SCAMP4: variants seen among roughly 807,000 people sequenced by gnomAD.
SCAMP4 encodes secretory carrier-associated membrane protein 4.
In SCAMP4, 19 loss-of-function variants were observed where a neutral mutation model predicts 32.1. The observed-to-expected ratio is 0.59, with a 90% CI of 0.41 to 0.87. The LOEUF (loss-of-function observed/expected upper bound fraction) is 0.87. SCAMP4 is among the 40% of genes least tolerant of loss of function. SCAMP4 has a pLI of 0.00. For missense variants in SCAMP4, 302 were observed against 309.0 expected (o/e 0.98, Z 0.17); for synonymous variants, 152 against 132.7 (o/e 1.15, Z -1.00).
intron 1 of SCAMP4, among the ~76,000 whole-genome samples, chr19:1,909,586 A>G (rs8102973): frequency 2.0e-5 from 2 of 99,644 alleles, no homozygotes; most frequent in African/African-American, 5.2e-5. Flanking sequence ...CTGTGCCAGC[A>G]GCAGGGATGT....
Position 1,908,471 on chromosome 19 carries a change from G to C in SCAMP4, c.-42+3032G>C, listed in dbSNP as rs773012581. Reference sequence around the variant, plus strand: ...CTGCGCGGCTGCGAAATGATCCAGAGACACATCCCTGTCTGCGGGAGGAGC... The same window carrying C: ...CTGCGCGGCTGCGAAATGATCCAGACACACATCCCTGTCTGCGGGAGGAGC... On this transcript the variant is annotated intron_variant, in intron 1 of 6. Transcript: ENST00000316097. The surrounding 1 kb of genome is among the most constrained non-coding windows in gnomAD (Gnocchi z 4.2). The C allele has an allele frequency of 3.0e-5, 14 of 470,858 alleles. No individual in the cohort carries two copies. The highest frequency in any genetic ancestry group is 2.2e-4 in the South Asian group (14 of 64,570). 29.2% of individuals were successfully genotyped at this position (470,858 alleles called of 1,614,324 possible).
intron 2 of SCAMP4, 137 bp downstream of exon 2, chr19:1,915,163 C>T (rs546807666): frequency 1.8e-4 from 185 of 1,016,496 alleles, no homozygotes; most frequent in Non-Finnish European, 2.4e-4. Context: ...CCTCGGGTCC[C>T]GTAGCCCAGC....
intron 5 of SCAMP4, 30 bp from the exon 6 acceptor site, chr19:1,923,040 G>T: frequency 6.6e-7 from 1 of 1,515,554 alleles, no homozygotes; most frequent in South Asian, 1.2e-5. Context: ...CAGGTGTGCA[G>T]GCACCCACGC....
In SCAMP4 at chr19:1,924,249, G is replaced by C; in HGVS notation, c.655G>C (p.Val219Leu). Reference protein sequence around the residue: ...SGNSLPEYPTVPSYPGSGQWP With the variant: ...SGNSLPEYPTLPSYPGSGQWP The stretch of plus-strand genomic sequence containing the variant: ...CAACAGCCTGCCCGAGTACCCCACT[G>C]TGCCCAGCTACCCGGGCAGTGGCCA... The change falls in exon 7 of 7, where the codon GTG becomes CTG. Residue 219 changes from valine to leucine, a missense_variant. Coordinates refer to ENST00000316097, the MANE Select transcript of SCAMP4 (RefSeq NM_079834.4). 1 of 1,603,796 alleles carries C rather than the reference G, an allele frequency of 6.2e-7. No individual in the cohort carries two copies. The highest frequency in any genetic ancestry group is 2.3e-5 in the East Asian group (1 of 44,326).
At chr19:1,914,689 C>T in intron 1 of SCAMP4, 1 of 478,112 alleles carries the variant, frequency 2.1e-6, no homozygotes. Flanking sequence ...TTGGGGGACG[C>T]AGGGGCCTAG....
chr19:1,920,745 C>A (rs1599255035), intron 5 of SCAMP4: 1 of 985,626 alleles, frequency 1.0e-6, no homozygotes. Context: ...CCCTGGGCTC[C>A]AGTGCCTCCT....
intron 5 of SCAMP4, chr19:1,922,423 C>T (rs1002302153): frequency 1.7e-4 from 116 of 689,006 alleles, no homozygotes; most frequent in Non-Finnish European, 1.9e-4. Context: ...TTAGTAGAGA[C>T]GGGGTTTCAC....
chr19:1,920,911 C>T (rs751117015), intron 5 of SCAMP4: 57 of 985,228 alleles, frequency 5.8e-5, no homozygotes, highest in Non-Finnish European at 6.6e-5. Context: ...CGTGCACGTG[C>T]GGCAGCAGCG....
chr19:1,919,298 A>T, intron 5 of SCAMP4: 1 of 1,211,274 alleles, frequency 8.3e-7, no homozygotes, highest in Non-Finnish European at 1.0e-6. Context: ...CACACCCCTG[A>T]CCCGGGGTCT....
intron 5 of SCAMP4, chr19:1,919,596 A>G (rs2013854888): frequency 2.9e-6 from 1 of 345,774 alleles, no homozygotes; most frequent in Non-Finnish European, 4.0e-6. Context: ...TCCTGGGTTC[A>G]AGCAATTCTC....
At chr19:1,915,363 T>C in intron 2 of SCAMP4, 1 of 415,728 alleles carries the variant, frequency 2.4e-6, no homozygotes, top group South Asian at 2.6e-5. Context: ...CTGGCAGCCT[T>C]CCCCAGTGGG....
chr19:1,913,019 C>T (rs745825328), intron 1 of SCAMP4: 118 of 1,606,080 alleles, frequency 7.3e-5, no homozygotes, highest in South Asian at 4.3e-4. Context: ...GCGTCTTCTA[C>T]GGTGCGCCCT....
At chr19:1,922,331 C>A in intron 5 of SCAMP4, 1 of 886,644 alleles carries the variant, frequency 1.1e-6, no homozygotes, top group Non-Finnish European at 1.4e-6. Context: ...ACGATCTCGG[C>A]TCACTGCAGC....
intron 5 of SCAMP4, chr19:1,920,190 C>T (rs2013873873): frequency 2.0e-6 from 2 of 985,262 alleles, no homozygotes; most frequent in African/African-American, 3.5e-5. Context: ...TGTTCTCGCC[C>T]ACGTCCCCGA....
chr19:1,909,304 C>T (rs908078725), intron 1 of SCAMP4, among the ~76,000 whole-genome samples: 15 of 152,178 alleles, frequency 9.9e-5, no homozygotes, highest in Admixed American at 6.5e-4. Context: ...TGAGCAGTCC[C>T]TGCAGGCTGG....
intron 1 of SCAMP4, among the ~76,000 whole-genome samples, chr19:1,909,848 A>G (rs2013344321): frequency 6.6e-6 from 1 of 152,168 alleles, no homozygotes; most frequent in African/African-American, 2.4e-5. Flanking sequence ...GAATGTGGTC[A>G]AGGGATGGGA....
chr19:1,911,400 G>C (rs2013439719), intron 1 of SCAMP4, among the ~76,000 whole-genome samples: 1 of 151,174 alleles, frequency 6.6e-6, no homozygotes, highest in Non-Finnish European at 1.5e-5. Context: ...TTAAACTCCT[G>C]GGCTCAAGTG....
At position 1,920,859 on chromosome 19, in the gene SCAMP4, C is replaced by T; in HGVS notation, c.395+1869C>T. The T allele has an allele frequency of 3.0e-6, 3 of 985,484 alleles. No homozygotes were observed. The South Asian group carries it at 1.4e-4, about 46-fold the overall frequency. 61.0% of individuals were successfully genotyped at this position (985,484 alleles called of 1,614,324 possible). A position where few individuals can be genotyped will look rare whatever the true frequency, so the allele number is the denominator to read the frequency against. On this transcript the variant is annotated intron_variant, in intron 5 of 6. Transcript: ENST00000316097. Reference sequence around the variant, plus strand: ...CTGAGATCCCGGCATGAGGTGAGTGCCCACATGTGACCCTCAGAGACCTCC... The same window carrying T: ...CTGAGATCCCGGCATGAGGTGAGTGTCCACATGTGACCCTCAGAGACCTCC...
chr19:1,913,829 A>G (rs1334832905), intron 1 of SCAMP4, among the ~76,000 whole-genome samples: 1 of 152,212 alleles, frequency 6.6e-6, no homozygotes, highest in Non-Finnish European at 1.5e-5. Context: ...CTGTGGGTCC[A>G]CCCGGCAAGT....
Sources: allele counts gnomAD v4.1 joint callset (sites outside exome capture counted in the v4.1 genomes callset), GRCh38; gene constraint gnomAD v4.1.1; non-coding constraint Gnocchi (gnomAD v3.1); transcripts MANE v1.5; gene names NCBI Gene and HGNC (gene_info 2026-07-23, HGNC 2026-07-21).